PEG3: variants seen among roughly 807,000 people sequenced by gnomAD.
PEG3 encodes paternally-expressed gene 3 protein.
PEG3 carries 23 observed loss-of-function variants against 35.5 expected under a neutral mutation model. The ratio of observed to expected loss-of-function variants is 0.65; its 90% CI spans 0.47 to 0.92. PEG3 has a LOEUF of 0.92. PEG3 is among the 40% of genes least tolerant of loss of function. The probability of loss-of-function intolerance (pLI) is 0.00; values close to 1 mark genes in which losing one functional copy is unlikely to be tolerated. For synonymous variants in PEG3, 707 were observed against 697.0 expected, an observed-to-expected ratio of 1.01 and a Z score of -0.23; for missense variants, 1,960 against 1,985.3, an observed-to-expected ratio of 0.99 and a Z score of 0.24.
chr19:56,840,376 T>A (rs1407934573), intron 1 of PEG3, among the ~76,000 whole-genome samples: 1 of 151,820 alleles, frequency 6.6e-6, no homozygotes, highest in Non-Finnish European at 1.5e-5. Flanking sequence ...GCACCAACCA[T>A]CCACAGCCTG....
At position 56,811,307 on chromosome 19, in the gene PEG3, TAATGAACTGTTTA is replaced by T. The variant is rs2059526362; in HGVS notation, c.*2355_*2367del. On this transcript the variant is annotated 3_prime_UTR_variant, in exon 10 of 10. Coordinates refer to ENST00000326441, the MANE Select transcript of PEG3 (RefSeq NM_006210.3). ...AAGCATATATATTTTTAAACAGTTA[TAATGAACTGTTTA>T]AATGAACTGTTAAATGAACAGCATA... 2.2e-6 allele frequency: 2 copies of T among 907,294 alleles called. No homozygotes were observed. Among genetic ancestry groups the T allele is most frequent in the South Asian group, 1.0e-4 (2 of 19,578 alleles). 56.2% of individuals were successfully genotyped at this position (907,294 alleles called of 1,614,324 possible).
rs1265390353 is a variant in PEG3 at position 56,814,348 on chromosome 19, G to C, written c.4094C>G (p.Ala1365Gly). 2 of 1,613,828 alleles carry C rather than the reference G, an allele frequency of 1.2e-6. No homozygotes were observed. The highest frequency in any genetic ancestry group is 3.3e-5 in the Admixed American group (2 of 60,024). The change falls in exon 10 of 10, where the codon GCA (alanine) becomes GGA (glycine). Residue 1365 changes from alanine to glycine, a missense_variant. Ala to Gly is a moderately conservative substitution (Grantham distance 60). Around this residue, in one of 5 missense-constraint regions of PEG3, gnomAD observed 416 missense variants for 416.7 expected, o/e 1.00. Transcript: ENST00000326441. This position sits in a 1 kb window ranked among gnomAD's most constrained non-coding sequence, Gnocchi z 5.8. ...TTCCTGGGCTGCTGCTGCTGCAGCT[G>C]CTGCTGCTTCATCTTCTTCTTCTTC... ...LEEEEEDEAA[A>G]AAAAAAQEVE...
rs376020685 is a variant in PEG3 at position 56,824,336 on chromosome 19, C to G, written c.320G>C (p.Arg107Pro). ...IIPEKLKPWV[R>P]AKKPENCEKL... ...CTCACAGTTCTCCGGCTTTTTTGCTCGCACCCAAGGCTTGAGCTTTTCAGG... is the reference window on the plus strand; with the variant it reads ...CTCACAGTTCTCCGGCTTTTTTGCTGGCACCCAAGGCTTGAGCTTTTCAGG... Residue 107 changes from arginine to proline, a missense_variant, in exon 4 of 10, where the codon CGA becomes CCA. Around this residue, in one of 5 missense-constraint regions of PEG3, gnomAD observed 613 missense variants for 577.1 expected, o/e 1.06. Transcript: ENST00000326441. 1.2e-6 allele frequency: 2 copies of G among 1,614,030 alleles called. No individual in the cohort carries two copies. The highest frequency in any genetic ancestry group is 1.7e-6 in the Non-Finnish European group (2 of 1,180,008).
Position 56,816,653 on chromosome 19 carries a change from C to T in PEG3, c.1789G>A (p.Glu597Lys), listed in dbSNP as rs760661733. ...CCGCGCTCACGTTCACGTTCACGTT[C>T]ATGTTCACGCTCATTATCTTTGTCA... ...GDDKDNEREH[E>K]RERERERGET... The change falls in exon 10 of 10, where the codon GAA (glutamate) becomes AAA (lysine). Residue 597 changes from glutamate (E) to lysine (K), a missense_variant. Around this residue, in one of 5 missense-constraint regions of PEG3, gnomAD observed 798 missense variants for 782.4 expected, o/e 1.02. Coordinates refer to ENST00000326441, the MANE Select transcript of PEG3 (RefSeq NM_006210.3). 14 of 1,613,200 alleles carry T rather than the reference C, an allele frequency of 8.7e-6. No homozygotes were observed. The highest frequency in any genetic ancestry group is 6.7e-5 in the Admixed American group (4 of 59,974).
chr19:56,812,398 G>A lies in PEG3; in HGVS notation c.*1277C>T. On this transcript the variant is annotated 3_prime_UTR_variant, in exon 10 of 10. Coordinates refer to ENST00000326441, the MANE Select transcript of PEG3 (RefSeq NM_006210.3). Reference sequence around the variant, plus strand: ...GCTGGGGAACCTGAGTCCATGTTAAGCTTGGGTTGACTGTAAAGAATTTTT... The same window carrying A: ...GCTGGGGAACCTGAGTCCATGTTAAACTTGGGTTGACTGTAAAGAATTTTT... 2.0e-6 allele frequency: 2 copies of A among 984,698 alleles called. No individual in the cohort carries two copies. The highest frequency in any genetic ancestry group is 2.4e-6 in the Non-Finnish European group (2 of 829,592). 61.0% of individuals were successfully genotyped at this position (984,698 alleles called of 1,614,324 possible).
At chr19:56,831,769 C>T (rs2061589222) in intron 2 of PEG3, among the ~76,000 whole-genome samples, 1 of 152,192 alleles carries the variant, frequency 6.6e-6, no homozygotes, top group Admixed American at 6.5e-5. Flanking sequence ...AAAACATTCA[C>T]CATAGAAACT....
At position 56,811,869 on chromosome 19, in the gene PEG3, C is replaced by T; in HGVS notation, c.*1806G>A. 2.0e-6 allele frequency: 2 copies of T among 985,488 alleles called. No individual in the cohort carries two copies. Among genetic ancestry groups the T allele is most frequent in the Non-Finnish European group, 2.4e-6 (2 of 829,986 alleles). The allele number at this position is 985,488 out of a possible 1,614,324, so 61.0% of individuals were successfully genotyped here. A position where few individuals can be genotyped will look rare whatever the true frequency, so the allele number is the denominator to read the frequency against. On this transcript the variant is annotated 3_prime_UTR_variant, in exon 10 of 10. Transcript: ENST00000326441. The stretch of plus-strand genomic sequence containing the variant: ...CTACAGTTCTTGCCTCTGGTGTTTT[C>T]TTCTGTCTGTCTCCTCTCCCCTCCT...
rs34051133 is a variant in PEG3, at chr19:56,813,715, C to T, written c.4727G>A (p.Arg1576His). 229,561 of 1,613,614 alleles carry T rather than the reference C, an allele frequency of 0.14. 18,485 individuals carry two copies. Among genetic ancestry groups the T allele is most frequent in the East Asian group, 0.34 (15,146 of 44,832 alleles). The part of the protein sequence containing the change: ...CDVCGQLFND[R>H]LSLARHQNTH... ...ATTCTGGTGTCTGGCGAGGGACAGG[C>T]GGTCATTGAAGAGCTGCCCACAGAC... The change falls in exon 10 of 10, where the codon CGC becomes CAC. Residue 1576 changes from arginine to histidine, a missense_variant. Transcript: ENST00000326441.
rs1956391316 is a variant in PEG3, at chr19:56,813,440, G to T, written c.*235C>A. On this transcript the variant is annotated 3_prime_UTR_variant, in exon 10 of 10. Transcript: ENST00000326441. ...TCAATCTGATTACTTGGAAAGGTAA[G>T]ATGTGTGCTATGGCTTTCCCACATG... 1 of 1,347,322 alleles carries T rather than the reference G, an allele frequency of 7.4e-7. No individual in the cohort carries two copies. Among genetic ancestry groups the T allele is most frequent in the African/African-American group, 1.5e-5 (1 of 68,666 alleles). 83.5% of individuals were successfully genotyped at this position (1,347,322 alleles called of 1,614,324 possible). A position where few individuals can be genotyped will look rare whatever the true frequency, so the allele number is the denominator to read the frequency against.
chr19:56,822,851 C>T lies in PEG3; in HGVS notation c.482-15G>A. ...GTCCCGGTCACCTAAGCAGGTGAGA[C>T]ATTCCAGTGGTTAACAAAGCTCTTT... On this transcript the variant is annotated splice_polypyrimidine_tract_variant and intron_variant, in intron 5 of 9. Coordinates refer to ENST00000326441, the MANE Select transcript of PEG3 (RefSeq NM_006210.3). The T allele has an allele frequency of 6.2e-7, 1 of 1,611,144 alleles. No individual in the cohort carries two copies. The highest frequency in any genetic ancestry group is 8.5e-7 in the Non-Finnish European group (1 of 1,178,742).
rs1036227664 is a variant in PEG3, at chr19:56,812,618, C to T, written c.*1057G>A. The T allele has an allele frequency of 3.1e-5, 31 of 985,418 alleles. No individual in the cohort carries two copies. Among genetic ancestry groups the T allele is most frequent in the Non-Finnish European group, 3.6e-5 (30 of 829,898 alleles). 61.0% of individuals were successfully genotyped at this position (985,418 alleles called of 1,614,324 possible). On this transcript the variant is annotated 3_prime_UTR_variant, in exon 10 of 10. Transcript: ENST00000326441. The stretch of plus-strand genomic sequence containing the variant: ...CTTGTCACTTAAGGCAGGAAGCGCA[C>T]AAAGGAAGTGATGAAAGGTTATTAG...
In PEG3 at chr19:56,817,334, C is replaced by T. The variant is rs1331003841; in HGVS notation, c.1108G>A (p.Ala370Thr). The T allele has an allele frequency of 1.2e-6, 2 of 1,614,082 alleles. No homozygotes were observed. Among genetic ancestry groups the T allele is most frequent in the East Asian group, 2.2e-5 (1 of 44,878 alleles). The part of the protein sequence containing the change: ...VIQQRVYEGN[A>T]FRGGFRFNST... ...TTAAACCTAAAGCCTCCCCTAAATG[C>T]ATTCCCTTCATAAACCCGCTGCTGG... The change falls in exon 10 of 10, where the codon GCA becomes ACA. Residue 370 changes from alanine (A) to threonine (T), a missense_variant. Coordinates refer to ENST00000326441, the MANE Select transcript of PEG3 (RefSeq NM_006210.3).
In PEG3 at chr19:56,828,114, C is replaced by CA. The variant is rs1488061105; in HGVS notation, c.-162-1652dup. Among the ~76,000 whole-genome samples, 8 of 152,280 alleles carry CA rather than the reference C, an allele frequency of 5.3e-5. No individual in the cohort carries two copies. In the East Asian group the frequency reaches 1.5e-3, roughly 29 times the overall value. On this transcript the variant is annotated intron_variant, in intron 2 of 9. Transcript: ENST00000326441. ...AGAGGCCTTTAGAGGTTGTGCTACT[C>CA]ACAGAGCAGGTGCAGGCAGCCGTAA...
rs147553345 is a variant in PEG3 at position 56,814,689 on chromosome 19, A to G, written c.3753T>C (p.Asp1251=). 2.0e-5 allele frequency: 33 copies of G among 1,613,932 alleles called. No homozygotes were observed. The highest frequency in any genetic ancestry group is 2.8e-5 in the Non-Finnish European group (33 of 1,179,982). The change falls in exon 10 of 10, where the codon GAT becomes GAC. Residue 1251 remains aspartate, a synonymous_variant. Transcript: ENST00000326441. This position sits in a 1 kb window ranked among gnomAD's most constrained non-coding sequence, Gnocchi z 5.8. ...CAGCCATCTGGCTCTGCTCCAGTAAATCATCTTCCCTATGAAGTCTCATAT... is the reference window on the plus strand; with the variant it reads ...CAGCCATCTGGCTCTGCTCCAGTAAGTCATCTTCCCTATGAAGTCTCATAT... ...NEHMRLHRED[D]LLEQSQMAEE...
intron 2 of PEG3, among the ~76,000 whole-genome samples, chr19:56,827,078 T>A (rs1188678052): frequency 6.6e-6 from 1 of 152,104 alleles, no homozygotes; most frequent in Non-Finnish European, 1.5e-5. Flanking sequence ...TCTAAAAAGC[T>A]GAAATAATGT....
chr19:56,822,678 G>A (rs2060616216), intron 6 of PEG3, 75 bp downstream of exon 6: 1 of 1,568,556 alleles, frequency 6.4e-7, no homozygotes, highest in Admixed American at 1.8e-5. Flanking sequence ...TCGAGGCCCT[G>A]GCACTTTCCC....
chr19:56,812,636 G>A lies in PEG3; in HGVS notation c.*1039C>T. On this transcript the variant is annotated 3_prime_UTR_variant, in exon 10 of 10. Transcript: ENST00000326441. ...AAGCGCACAAAGGAAGTGATGAAAG[G>A]TTATTAGCCTGCAACATTATTTACA... 2.0e-6 allele frequency: 2 copies of A among 985,660 alleles called. No individual in the cohort carries two copies. Among genetic ancestry groups the A allele is most frequent in the Non-Finnish European group, 2.4e-6 (2 of 829,908 alleles). The allele number at this position is 985,660 out of a possible 1,614,324, so 61.1% of individuals were successfully genotyped here.
chr19:56,831,256 T>A (rs1223916355), intron 2 of PEG3, among the ~76,000 whole-genome samples: 1 of 152,198 alleles, frequency 6.6e-6, no homozygotes, highest in Non-Finnish European at 1.5e-5. Flanking sequence ...GAGTCCAGAA[T>A]TCAACTGTGT....
At position 56,823,654 on chromosome 19, in the gene PEG3, G is replaced by A. The variant is rs1860565; in HGVS notation, c.420C>T (p.Ser140=). Reference sequence around the variant, plus strand: ...TTCTGTTCCGGGTCATGTCGTCGTCGCTGGTCACGTCACTGTTGTTGTCGT... The same window carrying A: ...TTCTGTTCCGGGTCATGTCGTCGTCACTGGTCACGTCACTGTTGTTGTCGT... ...PEDDNNSDVT[S]DDDMTRNRRE... The change falls in exon 5 of 10, where the codon AGC becomes AGT. Residue 140 remains serine, a synonymous_variant. Transcript: ENST00000326441. The A allele has an allele frequency of 0.28, 451,044 of 1,613,794 alleles. 66,191 individuals are homozygous for A. The highest frequency in any genetic ancestry group is 0.39 in the Admixed American group (23,694 of 59,996).
Sources: allele counts gnomAD v4.1 joint callset (sites outside exome capture counted in the v4.1 genomes callset), GRCh38; gene constraint gnomAD v4.1.1; regional missense constraint gnomAD v4.1.1; non-coding constraint Gnocchi (gnomAD v3.1); transcripts MANE v1.5; gene names NCBI Gene and HGNC (gene_info 2026-07-23, HGNC 2026-07-21).